Variants in HEMK2 observed in about 807,000 individuals in gnomAD.
HEMK2 encodes the protein methyltransferase HEMK2.
chr21:28,593,686 C>T, the HEMK2 span, among the ~76,000 whole-genome samples: 1 of 152,086 alleles, frequency 6.6e-6, no homozygotes, highest in Non-Finnish European at 1.5e-5. Context: ...GAAAAAGCTC[C>T]CAATGGCCAA....
the HEMK2 span, among the ~76,000 whole-genome samples, chr21:28,613,989 T>C: frequency 6.6e-6 from 1 of 152,188 alleles, no homozygotes; most frequent in South Asian, 2.1e-4. Context: ...ACTGTGGGAA[T>C]ATTTTCTAGA....
chr21:28,737,004 G>A, the HEMK2 span, among the ~76,000 whole-genome samples: 2 of 152,190 alleles, frequency 1.3e-5, no homozygotes, highest in Admixed American at 1.3e-4. Flanking sequence ...TTTAAAAGAG[G>A]CTCCCCATAA....
At chr21:28,775,520 C>A in the HEMK2 span, among the ~76,000 whole-genome samples, 1 of 151,950 alleles carries the variant, frequency 6.6e-6, no homozygotes, top group Non-Finnish European at 1.5e-5. Context: ...TTAGCCATAG[C>A]CATGAATGAT....
the HEMK2 span, among the ~76,000 whole-genome samples, chr21:28,821,938 G>A: frequency 6.6e-6 from 1 of 152,146 alleles, no homozygotes; most frequent in Non-Finnish European, 1.5e-5. Context: ...CACCGCTTTG[G>A]ATCTGGATAC....
the HEMK2 span, among the ~76,000 whole-genome samples, chr21:28,778,347 T>C: frequency 6.6e-6 from 1 of 152,206 alleles, no homozygotes; most frequent in Non-Finnish European, 1.5e-5. Context: ...TGTGTCATGG[T>C]TTAACTATTC....
chr21:28,644,358 C>T, the HEMK2 span, among the ~76,000 whole-genome samples: 27 of 152,268 alleles, frequency 1.8e-4, no homozygotes, highest in Non-Finnish European at 3.5e-4. Flanking sequence ...CTGGTCTCTC[C>T]CTTGACATAT....
chr21:28,819,430 G>A, the HEMK2 span, among the ~76,000 whole-genome samples: 7 of 151,070 alleles, frequency 4.6e-5, no homozygotes, highest in African/African-American at 9.7e-5. Flanking sequence ...CAAAAAATTC[G>A]ATTAACTCAA....
At chr21:28,840,119 C>T in the HEMK2 span, among the ~76,000 whole-genome samples, 2 of 151,896 alleles carry the variant, frequency 1.3e-5, no homozygotes, top group Non-Finnish European at 2.9e-5. Flanking sequence ...AGTGGGGAAA[C>T]GACATTCTTT....
At chr21:28,720,568 A>C in the HEMK2 span, among the ~76,000 whole-genome samples, 4 of 152,196 alleles carry the variant, frequency 2.6e-5, no homozygotes, top group African/African-American at 7.2e-5. Flanking sequence ...CCCCGTCTCT[A>C]ATAAAAATAC....
the HEMK2 span, among the ~76,000 whole-genome samples, chr21:28,658,035 T>C: frequency 6.6e-6 from 1 of 152,072 alleles, no homozygotes; most frequent in African/African-American, 2.4e-5. Flanking sequence ...TTTCTTGGTA[T>C]GTGTGCAGAA....
the HEMK2 span, among the ~76,000 whole-genome samples, chr21:28,615,449 T>C: frequency 6.6e-6 from 1 of 151,444 alleles, no homozygotes; most frequent in Non-Finnish European, 1.5e-5. Context: ...CCGAGAATGA[T>C]AATGAGATTA....
the HEMK2 span, among the ~76,000 whole-genome samples, chr21:28,812,900 T>C: frequency 6.6e-6 from 1 of 152,222 alleles, no homozygotes; most frequent in Non-Finnish European, 1.5e-5. Context: ...CCATTTCTTC[T>C]AGATTTTCTA....
the HEMK2 span, among the ~76,000 whole-genome samples, chr21:28,739,860 T>TA: frequency 3.9e-5 from 6 of 152,092 alleles, no homozygotes; most frequent in African/African-American, 1.4e-4. Flanking sequence ...ACAGTGAAAA[T>TA]ACACACCCAA....
chr21:28,785,858 T>C, the HEMK2 span, among the ~76,000 whole-genome samples: 4 of 152,234 alleles, frequency 2.6e-5, no homozygotes, highest in Non-Finnish European at 4.4e-5. Context: ...ACCATTAGCA[T>C]ATTTTAGTCC....
At chr21:28,633,572 T>C in the HEMK2 span, among the ~76,000 whole-genome samples, 2 of 152,180 alleles carry the variant, frequency 1.3e-5, no homozygotes, top group African/African-American at 4.8e-5. Flanking sequence ...TTTTTTTAAA[T>C]GCCAAGTATT....
At chr21:28,708,114 A>G in the HEMK2 span, among the ~76,000 whole-genome samples, 1 of 152,184 alleles carries the variant, frequency 6.6e-6, no homozygotes, top group Admixed American at 6.5e-5. Context: ...TATTTTCAAA[A>G]TTCCAGATTC....
the HEMK2 span, among the ~76,000 whole-genome samples, chr21:28,759,866 C>T: frequency 1.3e-5 from 2 of 152,144 alleles, no homozygotes; most frequent in East Asian, 3.8e-4. Flanking sequence ...TCCCTTAAAC[C>T]TCTTTTTCTT....
the HEMK2 span, among the ~76,000 whole-genome samples, chr21:28,729,105 T>C: frequency 2.0e-5 from 3 of 152,236 alleles, no homozygotes; most frequent in Non-Finnish European, 4.4e-5. Context: ...TAATGCTTTC[T>C]GGAAAGTCTT....
the HEMK2 span, among the ~76,000 whole-genome samples, chr21:28,639,427 C>T: frequency 3.9e-5 from 6 of 152,284 alleles, no homozygotes; most frequent in South Asian, 4.1e-4. Context: ...AACGACCCTA[C>T]CTTCAAGGAA....
Sources: allele counts gnomAD v4.1 joint callset (sites outside exome capture counted in the v4.1 genomes callset), GRCh38; gene constraint gnomAD v4.1.1; transcripts MANE v1.5; gene names NCBI Gene and HGNC (gene_info 2026-07-23, HGNC 2026-07-21).